Variants in CGNL1 observed in about 807,000 individuals in gnomAD.
The protein encoded by CGNL1 is cingulin-like protein 1.
In CGNL1, 132 loss-of-function variants were observed where a neutral mutation model predicts 141.2. The ratio of observed to expected loss-of-function variants is 0.93; its 90% CI spans 0.81 to 1.08. The LOEUF (loss-of-function observed/expected upper bound fraction) is 1.08, where lower values mean the gene tolerates loss of function less well. CGNL1 is among the 50% of genes least tolerant of loss of function. The pLI, the probability that CGNL1 is intolerant of heterozygous loss-of-function variation, is 0.00. For missense variants in CGNL1, 1,870 were observed against 1,588.6 expected (o/e 1.18, Z -3.01); for synonymous variants, 690 against 622.1 (o/e 1.11, Z -1.63).
chr15:57,543,325 G>C (rs1307518642), intron 14 of CGNL1, among the ~76,000 whole-genome samples: 1 of 152,084 alleles, frequency 6.6e-6, no homozygotes, highest in African/African-American at 2.4e-5. Flanking sequence ...TACTGGATTA[G>C]GGCCCACCTT....
chr15:57,497,535 T>C (rs1428146226), intron 8 of CGNL1, among the ~76,000 whole-genome samples: 1 of 152,236 alleles, frequency 6.6e-6, no homozygotes, highest in Non-Finnish European at 1.5e-5. Flanking sequence ...GACAAGGGTC[T>C]TGAGTGGCCT....
intron 14 of CGNL1, among the ~76,000 whole-genome samples, chr15:57,539,463 T>C (rs1296677634): frequency 9.2e-5 from 14 of 152,150 alleles, no homozygotes; most frequent in African/African-American, 3.1e-4. Context: ...TGGCTTCTCA[T>C]TGACACCTAA....
intron 16 of CGNL1, 109 bp from the exon 17 acceptor site, chr15:57,545,483 G>C: frequency 2.2e-6 from 2 of 893,956 alleles, no homozygotes; most frequent in Non-Finnish European, 3.5e-6. Context: ...CCTAAGCCTT[G>C]AGCTGACCAG....
At chr15:57,468,570 G>A (rs2063540837) in intron 8 of CGNL1, among the ~76,000 whole-genome samples, 1 of 121,432 alleles carries the variant, frequency 8.2e-6, no homozygotes, top group Admixed American at 8.3e-5. Flanking sequence ...GTGTGTGTGT[G>A]TGTGTGTGTG....
chr15:57,400,606 G>T lies in CGNL1; in HGVS notation c.-16+24039G>T, dbSNP rs540777351. ...TGTAAAAACAATACATGTTTGTGCGGGCATGGTGGCTCATGCCTGTAATCT... is the reference window on the plus strand; with the variant it reads ...TGTAAAAACAATACATGTTTGTGCGTGCATGGTGGCTCATGCCTGTAATCT... On this transcript the variant is annotated intron_variant, in intron 1 of 18. Coordinates refer to ENST00000281282, the MANE Select transcript of CGNL1 (RefSeq NM_032866.5). Among the ~76,000 whole-genome samples the T allele has an allele frequency of 9.9e-5, 15 of 152,158 alleles. 1 individual carries two copies. The highest frequency in any genetic ancestry group is 6.5e-4 in the Admixed American group (10 of 15,278).
intron 15 of CGNL1, among the ~76,000 whole-genome samples, 162 bp downstream of exon 15, chr15:57,543,941 T>C (rs1380834761): frequency 3.3e-5 from 5 of 152,136 alleles, no homozygotes; most frequent in Admixed American, 3.3e-4. Flanking sequence ...CCCGGTCATA[T>C]GAAATCTGCA....
At chr15:57,454,291 A>G (rs568251781) in intron 7 of CGNL1, among the ~76,000 whole-genome samples, 3 of 152,300 alleles carry the variant, frequency 2.0e-5, no homozygotes, top group East Asian at 3.9e-4. Context: ...GAGATGATAA[A>G]CAATTTAGAA....
intron 8 of CGNL1, among the ~76,000 whole-genome samples, chr15:57,486,776 G>A (rs139150768): frequency 2.7e-4 from 41 of 152,326 alleles, no homozygotes; most frequent in African/African-American, 9.4e-4. Flanking sequence ...CACCCAAAGA[G>A]GGGTATCTGG....
At chr15:57,425,215 T>C (rs1332179283) in intron 1 of CGNL1, among the ~76,000 whole-genome samples, 1 of 152,078 alleles carries the variant, frequency 6.6e-6, no homozygotes, top group Non-Finnish European at 1.5e-5. Flanking sequence ...ATAAGAATAA[T>C]AGGCTGGGCG....
chr15:57,403,617 A>G (rs2098278883), intron 1 of CGNL1, among the ~76,000 whole-genome samples: 1 of 152,236 alleles, frequency 6.6e-6, no homozygotes, highest in South Asian at 2.1e-4. Context: ...ATTCCATGGC[A>G]GACCTCAGTG....
intron 8 of CGNL1, among the ~76,000 whole-genome samples, chr15:57,511,715 A>G (rs1227017200): frequency 1.3e-5 from 2 of 152,206 alleles, no homozygotes; most frequent in African/African-American, 4.8e-5. Context: ...AAAATGATAG[A>G]AAATGGCACA....
At position 57,438,265 on chromosome 15, in the gene CGNL1, G is replaced by A. The variant is rs1414406750; in HGVS notation, c.266G>A (p.Ser89Asn). The A allele has an allele frequency of 2.5e-6, 4 of 1,614,146 alleles. No homozygotes were observed. The highest frequency in any genetic ancestry group is 3.4e-6 in the Non-Finnish European group (4 of 1,180,032). The change falls in exon 2 of 19, where the codon AGC becomes AAC. Residue 89 changes from serine (S) to asparagine (N), a missense_variant. Physicochemically the swap from Ser to Asn is conservative, Grantham distance 46. Coordinates refer to ENST00000281282, the MANE Select transcript of CGNL1 (RefSeq NM_032866.5). ...ATAAATAACCTGCCTCTACATTCCA[G>A]CAATGGTTCTGTGCCAAAGGAGAAC... ...PVINNLPLHSSNGSVPKENSE... is the reference protein window; with the variant it reads ...PVINNLPLHSNNGSVPKENSE...
Position 57,524,687 on chromosome 15 carries a change from A to C in CGNL1, c.2975A>C (p.Gln992Pro). ...NRRELAEMQRQLKEKTLEAEK... is the reference protein window; with the variant it reads ...NRRELAEMQRPLKEKTLEAEK... ...AGGGAGCTCGCAGAAATGCAAAGAC[A>C]GTTGAAGGAGAAAACGCTGGAGGCA... The change falls in exon 12 of 19, where the codon CAG becomes CCG. Residue 992 changes from glutamine (Q) to proline (P), a missense_variant. Coordinates refer to ENST00000281282, the MANE Select transcript of CGNL1 (RefSeq NM_032866.5). 6.2e-7 allele frequency: 1 copy of C among 1,614,246 alleles called. No homozygotes were observed. The highest frequency in any genetic ancestry group is 8.5e-7 in the Non-Finnish European group (1 of 1,180,036).
chr15:57,498,963 T>C (rs2063982586), intron 8 of CGNL1, among the ~76,000 whole-genome samples: 1 of 152,136 alleles, frequency 6.6e-6, no homozygotes, highest in South Asian at 2.1e-4. Flanking sequence ...GTTTTTTATT[T>C]TTGCGTTTAT....
intron 1 of CGNL1, among the ~76,000 whole-genome samples, chr15:57,428,782 T>C (rs2063009366): frequency 2.0e-5 from 3 of 152,266 alleles, no homozygotes; most frequent in Non-Finnish European, 4.4e-5. Flanking sequence ...CCCAGCACTT[T>C]TGGAGGCCGA....
intron 1 of CGNL1, among the ~76,000 whole-genome samples, chr15:57,425,717 G>A (rs1458300847): frequency 6.8e-6 from 1 of 146,634 alleles, no homozygotes; most frequent in Non-Finnish European, 1.5e-5. Context: ...CTCTAGCCTG[G>A]GTGACAGAGC....
intron 14 of CGNL1, among the ~76,000 whole-genome samples, chr15:57,538,057 A>T (rs1340439718): frequency 1.3e-5 from 2 of 152,196 alleles, no homozygotes; most frequent in Non-Finnish European, 2.9e-5. Flanking sequence ...CAGGGTAAGA[A>T]TTTGATTTAC....
At chr15:57,389,355 A>G (rs538557052) in intron 1 of CGNL1, among the ~76,000 whole-genome samples, 1 of 152,396 alleles carries the variant, frequency 6.6e-6, no homozygotes, top group East Asian at 1.9e-4. Context: ...TGAATAGTAC[A>G]TTTGTAGAAA....
chr15:57,377,564 A>G (rs566548722), intron 1 of CGNL1, among the ~76,000 whole-genome samples: 3 of 152,318 alleles, frequency 2.0e-5, no homozygotes, highest in African/African-American at 4.8e-5. Flanking sequence ...TCAGGTCCTC[A>G]TAGCTCTTCC....
Sources: gnomAD v4.1 joint callset for allele counts (sites outside exome capture counted in the v4.1 genomes callset) on GRCh38, gnomAD v4.1.1 for gene constraint, MANE v1.5 for transcripts, NCBI Gene and HGNC (gene_info 2026-07-23, HGNC 2026-07-21) for gene names.